Variants in ADCY2 observed in about 807,000 individuals in gnomAD.
The protein encoded by ADCY2 is adenylate cyclase 2.
Under a neutral mutation model 125.2 loss-of-function variants are expected in ADCY2, and 31 were observed. The ratio of observed to expected loss-of-function variants is 0.25; its 90% confidence interval spans 0.19 to 0.33. The LOEUF (loss-of-function observed/expected upper bound fraction) is 0.33, where lower values mean the gene tolerates loss of function less well. Among genes scored for constraint, ADCY2 ranks in the 10% least tolerant of loss-of-function variants. ADCY2 has a pLI of 1.00. For synonymous variants in ADCY2, 512 were observed against 548.4 expected (o/e 0.93, Z 0.93); for missense variants, 904 against 1,418.2 (o/e 0.64, Z 5.82).
intron 4 of ADCY2, among the ~76,000 whole-genome samples, chr5:7,629,986 A>G (rs989156063): frequency 3.3e-5 from 5 of 152,218 alleles, no homozygotes; most frequent in African/African-American, 1.2e-4. Context: ...TTTGTTTTAG[A>G]ATAATTTAAC....
intron 3 of ADCY2, among the ~76,000 whole-genome samples, chr5:7,599,262 T>C (rs1161509078): frequency 1.3e-5 from 2 of 152,102 alleles, no homozygotes; most frequent in Non-Finnish European, 2.9e-5. Context: ...TTTGTGAGAA[T>C]CCAGAGTTGA....
intron 22 of ADCY2, among the ~76,000 whole-genome samples, chr5:7,809,315 T>C (rs912469024): frequency 1.3e-5 from 2 of 152,234 alleles, no homozygotes; most frequent in Non-Finnish European, 2.9e-5. Context: ...AAGGGCATCC[T>C]AGAAATATTT....
chr5:7,533,017 ATATATATG>A (rs1206650607), intron 3 of ADCY2, among the ~76,000 whole-genome samples: 5 of 149,718 alleles, frequency 3.3e-5, no homozygotes, highest in South Asian at 4.2e-4. Context: ...ATATGTATAC[ATATATATG>A]TATATATGTA....
At chr5:7,815,483 C>G (rs1404244236) in intron 22 of ADCY2, among the ~76,000 whole-genome samples, 1 of 152,062 alleles carries the variant, frequency 6.6e-6, no homozygotes, top group Non-Finnish European at 1.5e-5. Flanking sequence ...TGCACAGAAT[C>G]GTTAAGTATT....
intron 3 of ADCY2, among the ~76,000 whole-genome samples, chr5:7,543,527 G>C (rs933874335): frequency 1.3e-5 from 2 of 152,080 alleles, no homozygotes; most frequent in African/African-American, 4.8e-5. Flanking sequence ...GCCAGTCCTA[G>C]GTTCCCCAAC....
chr5:7,545,045 T>A (rs1395920141), intron 3 of ADCY2, among the ~76,000 whole-genome samples: 2 of 151,924 alleles, frequency 1.3e-5, no homozygotes, highest in African/African-American at 4.8e-5. Flanking sequence ...AGAGCGAGCA[T>A]AGGAGCAAGA....
At chr5:7,586,266 A>C (rs1321680734) in intron 3 of ADCY2, among the ~76,000 whole-genome samples, 1 of 152,174 alleles carries the variant, frequency 6.6e-6, no homozygotes, top group Non-Finnish European at 1.5e-5. Flanking sequence ...ATCCATGGCA[A>C]GCTGATCATT....
intron 4 of ADCY2, among the ~76,000 whole-genome samples, chr5:7,677,108 C>T (rs2126710541): frequency 6.6e-6 from 1 of 152,142 alleles, no homozygotes; most frequent in South Asian, 2.1e-4. Flanking sequence ...GAAACCTCAT[C>T]TCTACTAAAA....
chr5:7,566,871 G>C (rs10039904), intron 3 of ADCY2, among the ~76,000 whole-genome samples: 1 of 152,138 alleles, frequency 6.6e-6, no homozygotes, highest in African/African-American at 2.4e-5. Flanking sequence ...TGGCCTGGGG[G>C]GGAGGTATTA....
At chr5:7,747,728 A>G (rs1365835060) in intron 15 of ADCY2, among the ~76,000 whole-genome samples, 1 of 152,130 alleles carries the variant, frequency 6.6e-6, no homozygotes, top group Non-Finnish European at 1.5e-5. Context: ...AACTCCTCTC[A>G]TGCTGGCTGG....
chr5:7,631,257 G>A (rs1738300909), intron 4 of ADCY2, among the ~76,000 whole-genome samples: 1 of 152,144 alleles, frequency 6.6e-6, no homozygotes, highest in African/African-American at 2.4e-5. Context: ...AAAATCCCTG[G>A]TTTGCCATGT....
intron 4 of ADCY2, among the ~76,000 whole-genome samples, chr5:7,652,238 T>C (rs769731041): frequency 3.3e-5 from 5 of 152,232 alleles, no homozygotes; most frequent in Non-Finnish European, 5.9e-5. Context: ...TCCCTGCTTA[T>C]AGCCGTGGGC....
At chr5:7,810,264 A>G (rs1169419756) in intron 22 of ADCY2, among the ~76,000 whole-genome samples, 5 of 151,996 alleles carry the variant, frequency 3.3e-5, no homozygotes, top group Non-Finnish European at 7.4e-5. Flanking sequence ...TGGGTTATCT[A>G]CCTGATTGGT....
chr5:7,715,730 C>T (rs1421408661), intron 11 of ADCY2, among the ~76,000 whole-genome samples: 1 of 151,998 alleles, frequency 6.6e-6, no homozygotes, highest in Admixed American at 6.6e-5. Context: ...GAAGACAGGG[C>T]CCGAAGGCAC....
chr5:7,615,183 C>T (rs1201044603), intron 3 of ADCY2, among the ~76,000 whole-genome samples: 1 of 152,142 alleles, frequency 6.6e-6, no homozygotes. Context: ...CAATCATCTC[C>T]CACCAGCCCC....
At chr5:7,630,066 A>G (rs1431860004) in intron 4 of ADCY2, among the ~76,000 whole-genome samples, 1 of 152,178 alleles carries the variant, frequency 6.6e-6, no homozygotes, top group Non-Finnish European at 1.5e-5. Context: ...TCCTTTTAGT[A>G]AAAAATACTA....
At chr5:7,654,085 G>T (rs2126684931) in intron 4 of ADCY2, 1 of 456,232 alleles carries the variant, frequency 2.2e-6, no homozygotes, top group Non-Finnish European at 4.4e-6. Flanking sequence ...TTACCACCCT[G>T]AGGCTGGGCG....
intron 3 of ADCY2, among the ~76,000 whole-genome samples, chr5:7,539,610 G>C (rs1052239604): frequency 6.6e-6 from 1 of 152,202 alleles, no homozygotes; most frequent in Non-Finnish European, 1.5e-5. Flanking sequence ...TAGGTATTTC[G>C]AGTGAGATTA....
chr5:7,723,861 C>G (rs1037559469), intron 12 of ADCY2, among the ~76,000 whole-genome samples: 3 of 126,296 alleles, frequency 2.4e-5, no homozygotes, highest in African/African-American at 9.3e-5. Context: ...GCAGAGGTTG[C>G]AGTGAGCCGA....
Sources: allele counts gnomAD v4.1 joint callset (sites outside exome capture counted in the v4.1 genomes callset), GRCh38; gene constraint gnomAD v4.1.1; transcripts MANE v1.5; gene names NCBI Gene and HGNC (gene_info 2026-07-23, HGNC 2026-07-21).